Variants in PCDHA11 observed in about 807,000 individuals in gnomAD.
PCDHA11 encodes the protein protocadherin alpha 11, also known as protocadherin alpha-11.
Under a neutral mutation model 70.3 loss-of-function variants are expected in PCDHA11, and 61 were observed. The observed-to-expected ratio is 0.87, with a 90% CI of 0.71 to 1.07. The LOEUF is 1.07. Ranked by LOEUF, PCDHA11 falls within the 50% of genes least tolerant of loss-of-function variation. PCDHA11 has a pLI of 0.00. For missense variants in PCDHA11, 1,324 were observed against 1,237.5 expected (o/e 1.07, Z -1.05); for synonymous variants, 633 against 555.1 (o/e 1.14, Z -1.97).
At chr5:140,872,336 A>G (rs1554166138) in intron 1 of PCDHA11, among the ~76,000 whole-genome samples, 1 of 152,144 alleles carries the variant, frequency 6.6e-6, no homozygotes, top group African/African-American at 2.4e-5. Context: ...CTAAAATTCT[A>G]CATGTTCTTG....
At chr5:140,967,652 T>A in intron 1 of PCDHA11, 1 of 1,614,152 alleles carries the variant, frequency 6.2e-7, no homozygotes, top group South Asian at 1.1e-5. Flanking sequence ...CAGGTACTCC[T>A]TGAGCAGCTA....
chr5:140,981,024 A>G (rs2096915063), intron 2 of PCDHA11, among the ~76,000 whole-genome samples: 2 of 152,112 alleles, frequency 1.3e-5, no homozygotes, highest in Admixed American at 6.5e-5. Flanking sequence ...AAGGCTGTTA[A>G]TATTTGGGGA....
rs915171063 is a variant in PCDHA11 at position 140,977,108 on chromosome 5, T to C, written c.2392-1841T>C. On this transcript the variant is annotated intron_variant, in intron 1 of 3. Transcript: ENST00000398640. ...AAATGTGTCATTGGGGAAGTGAGAT[T>C]GTATAATGAACTGAGTTTCCTGGTC... 6.6e-5 allele frequency among the ~76,000 whole-genome samples: 10 copies of C among 152,302 alleles called. No homozygotes were observed. The East Asian group carries it at 1.9e-3, about 29-fold the overall frequency.
At chr5:140,901,060 A>AT (rs542927280) in intron 1 of PCDHA11, among the ~76,000 whole-genome samples, 21 of 151,128 alleles carry the variant, frequency 1.4e-4, no homozygotes, top group African/African-American at 3.2e-4. Flanking sequence ...AGATTATTAG[A>AT]TTTTTTTTTC....
intron 1 of PCDHA11, chr5:140,926,518 C>T (rs1584446348): frequency 4.9e-6 from 1 of 202,636 alleles, no homozygotes; most frequent in Non-Finnish European, 9.8e-6. Context: ...CAGGCTCCGC[C>T]CTGCGCCCGC....
chr5:140,883,867 C>T (rs2059859396), intron 1 of PCDHA11: 3 of 1,613,138 alleles, frequency 1.9e-6, no homozygotes, highest in Non-Finnish European at 2.5e-6. Flanking sequence ...TGTTGCAGTT[C>T]CAGGTGAGCG....
chr5:140,915,164 G>A (rs782783727), intron 1 of PCDHA11, among the ~76,000 whole-genome samples: 27 of 152,144 alleles, frequency 1.8e-4, no homozygotes, highest in African/African-American at 5.3e-4. Flanking sequence ...GGCCAGGATA[G>A]TCTCGATCTC....
chr5:140,898,246 A>G (rs377438166), intron 1 of PCDHA11, among the ~76,000 whole-genome samples: 49 of 152,286 alleles, frequency 3.2e-4, no homozygotes, highest in African/African-American at 1.1e-3. Context: ...TTGGTGTTTT[A>G]GACATGAAGT....
chr5:140,884,792 G>A, intron 1 of PCDHA11: 1 of 1,312,776 alleles, frequency 7.6e-7, no homozygotes. Flanking sequence ...AGTTGTTATC[G>A]AATTTAACAA....
At chr5:140,883,239 A>ACAAAGGAAATATTC in intron 1 of PCDHA11, 1 of 1,614,096 alleles carries the variant, frequency 6.2e-7, no homozygotes, top group Non-Finnish European at 8.5e-7. Context: ...GAGGCAGTTG[A>ACAAAGGAAATATTC]CAAAGGAAAT....
Position 140,869,746 on chromosome 5 carries a change from A to G in PCDHA11, c.643A>G (p.Thr215Ala). The G allele has an allele frequency of 6.2e-7, 1 of 1,613,340 alleles. No homozygotes were observed. The highest frequency in any genetic ancestry group is 8.5e-7 in the Non-Finnish European group (1 of 1,179,800). The change falls in exon 1 of 4, where the codon ACA becomes GCA. Residue 215 changes from threonine to alanine, a missense_variant. Transcript: ENST00000398640. ...GGAACTTAATTTGCTGCTAACAGCT[A>G]CAGACGGGGGAAAACCAGAGCTTAC... ...TPELNLLLTATDGGKPELTGT... is the reference protein window; with the variant it reads ...TPELNLLLTAADGGKPELTGT...
intron 3 of PCDHA11, among the ~76,000 whole-genome samples, chr5:141,003,237 T>G (rs1357530548): frequency 6.6e-6 from 1 of 152,228 alleles, no homozygotes; most frequent in Non-Finnish European, 1.5e-5. Flanking sequence ...CTGGAAATTT[T>G]GCCAAAAAGA....
At chr5:140,990,981 A>G (rs1554251870) in intron 3 of PCDHA11, among the ~76,000 whole-genome samples, 1 of 152,206 alleles carries the variant, frequency 6.6e-6, no homozygotes, top group Non-Finnish European at 1.5e-5. Context: ...AGAAAGGAAG[A>G]CAATAGCTAC....
Position 141,009,873 on chromosome 5 carries a change from A to C in PCDHA11, c.2786A>C (p.Lys929Thr), listed in dbSNP as rs782413551. The C allele has an allele frequency of 1.2e-6, 2 of 1,613,916 alleles. No homozygotes were observed. The highest frequency in any genetic ancestry group is 2.7e-5 in the African/African-American group (2 of 74,862). The change falls in exon 4 of 4, where the codon AAG (lysine) becomes ACG (threonine). Residue 929 changes from lysine to threonine, a missense_variant. Lys to Thr is a moderately conservative substitution (Grantham distance 78). Transcript: ENST00000398640. ...ACCAAGAAAAAGAAGAAAAAGAAGA[A>C]GGGTAACAAGACCCAGGAGAAAAAA... ...EETKKKKKKK[K>T]GNKTQEKKEK...
At chr5:140,911,474 C>T (rs782702993) in intron 1 of PCDHA11, among the ~76,000 whole-genome samples, 45 of 152,144 alleles carry the variant, frequency 3.0e-4, no homozygotes, top group Non-Finnish European at 2.8e-4. Flanking sequence ...ATAAGACTCT[C>T]ACTCAGGGCA....
At chr5:140,876,531 T>G in intron 1 of PCDHA11, 1 of 1,614,200 alleles carries the variant, frequency 6.2e-7, no homozygotes, top group South Asian at 1.1e-5. Flanking sequence ...TAATGGTTAC[T>G]TCACTGTCGC....
chr5:140,999,568 G>A (rs1554256885), intron 3 of PCDHA11, among the ~76,000 whole-genome samples: 1 of 152,084 alleles, frequency 6.6e-6, no homozygotes, highest in Non-Finnish European at 1.5e-5. Context: ...TTTGAGAAGA[G>A]ACTATAAAGG....
intron 3 of PCDHA11, among the ~76,000 whole-genome samples, chr5:140,997,720 G>A (rs973128921): frequency 3.3e-5 from 5 of 151,568 alleles, no homozygotes; most frequent in East Asian, 1.9e-4. Context: ...ACCTTTCTAC[G>A]TCAGTACATA....
At chr5:140,932,525 A>G (rs2088383031) in intron 1 of PCDHA11, among the ~76,000 whole-genome samples, 1 of 151,898 alleles carries the variant, frequency 6.6e-6, no homozygotes, top group Non-Finnish European at 1.5e-5. Flanking sequence ...TGTTTGTGGC[A>G]TTCAAGGTGC....
Sources: allele counts gnomAD v4.1 joint callset (sites outside exome capture counted in the v4.1 genomes callset), GRCh38; gene constraint gnomAD v4.1.1; transcripts MANE v1.5; gene names NCBI Gene and HGNC (gene_info 2026-07-23, HGNC 2026-07-21).